CSMD1: variants seen among roughly 807,000 people sequenced by gnomAD.
CSMD1 encodes CUB and Sushi multiple domains 1.
A neutral mutation model predicts 417.5 loss-of-function variants in CSMD1; 213 were observed. The ratio of observed to expected loss-of-function variants is 0.51; its 90% confidence interval spans 0.46 to 0.57. The LOEUF (loss-of-function observed/expected upper bound fraction) is 0.57. CSMD1 is among the 20% of genes least tolerant of loss of function. The pLI, the probability that CSMD1 is intolerant of heterozygous loss-of-function variation, is 0.00. For missense variants in CSMD1, 6,923 were observed against 4,529.7 expected (o/e 1.53, Z -15.17); for synonymous variants, 2,862 against 1,736.8 (o/e 1.65, Z -16.11).
At chr8:4,176,209 G>C (rs192991202) in intron 3 of CSMD1, among the ~76,000 whole-genome samples, 2 of 152,074 alleles carry the variant, frequency 1.3e-5, no homozygotes, top group East Asian at 3.9e-4. Flanking sequence ...TGTTGGATGT[G>C]GCTCTGTAGG....
intron 8 of CSMD1, among the ~76,000 whole-genome samples, chr8:3,593,150 A>T (rs886603799): frequency 6.6e-6 from 1 of 152,152 alleles, no homozygotes; most frequent in African/African-American, 2.4e-5. Flanking sequence ...GATAAGTGTG[A>T]TGGTGGCGTG....
intron 40 of CSMD1, among the ~76,000 whole-genome samples, chr8:3,150,647 C>T (rs999074088): frequency 3.3e-5 from 5 of 152,096 alleles, no homozygotes; most frequent in African/African-American, 9.7e-5. Context: ...CTACTCTGCC[C>T]GAGGACATTC....
At chr8:3,919,706 C>G (rs1052910243) in intron 5 of CSMD1, among the ~76,000 whole-genome samples, 7 of 152,128 alleles carry the variant, frequency 4.6e-5, no homozygotes, top group African/African-American at 1.4e-4. Context: ...TGCTTTGAAT[C>G]TGTAGATGAC....
intron 26 of CSMD1, among the ~76,000 whole-genome samples, chr8:3,268,448 C>A (rs951648043): frequency 2.0e-5 from 3 of 151,800 alleles, no homozygotes; most frequent in Non-Finnish European, 4.4e-5. Context: ...GCCACCACGC[C>A]CAGCTGATTT....
chr8:4,551,869 G>A (rs1018524571), intron 2 of CSMD1, among the ~76,000 whole-genome samples: 3 of 87,066 alleles, frequency 3.4e-5, no homozygotes, highest in Non-Finnish European at 7.3e-5. Flanking sequence ...TTTTTTTTTT[G>A]TAGAGATGGG....
intron 7 of CSMD1, 138 bp downstream of exon 7, chr8:3,708,276 G>GA (rs1801292843): frequency 2.9e-6 from 2 of 682,108 alleles, no homozygotes; most frequent in Non-Finnish European, 5.1e-6. Flanking sequence ...CTTTCTCCCA[G>GA]AAAATACTTT....
At chr8:4,173,495 G>A (rs569077249) in intron 3 of CSMD1, among the ~76,000 whole-genome samples, 261 of 152,242 alleles carry the variant, frequency 1.7e-3, no homozygotes, top group African/African-American at 6.1e-3. Flanking sequence ...ACACAGCTAA[G>A]TGCTCTCGGT....
At chr8:3,349,889 ATTTAT>A (rs1278784618) in intron 21 of CSMD1, among the ~76,000 whole-genome samples, 10 of 95,998 alleles carry the variant, frequency 1.0e-4, no homozygotes, top group African/African-American at 3.4e-4. Context: ...CTATATATAT[ATTTAT>A]AATATATATT....
At chr8:4,018,451 T>C (rs902352671) in intron 4 of CSMD1, among the ~76,000 whole-genome samples, 1 of 152,134 alleles carries the variant, frequency 6.6e-6, no homozygotes, top group Non-Finnish European at 1.5e-5. Flanking sequence ...TGCAGGTCTG[T>C]CAACACAGCT....
intron 1 of CSMD1, among the ~76,000 whole-genome samples, chr8:4,901,406 C>G (rs897101663): frequency 2.6e-5 from 4 of 152,184 alleles, no homozygotes; most frequent in African/African-American, 9.7e-5. Flanking sequence ...TTGAAAGCAG[C>G]TCATTGCTTC....
At chr8:3,976,952 C>T (rs549215811) in intron 5 of CSMD1, among the ~76,000 whole-genome samples, 1 of 152,114 alleles carries the variant, frequency 6.6e-6, no homozygotes. Flanking sequence ...TGTCACAGGG[C>T]ATAGTACACA....
At chr8:4,605,612 C>A (rs1317440246) in intron 2 of CSMD1, among the ~76,000 whole-genome samples, 1 of 152,206 alleles carries the variant, frequency 6.6e-6, no homozygotes, top group Non-Finnish European at 1.5e-5. Context: ...TAAAATCTAA[C>A]CATGACCTTT....
At chr8:4,268,044 G>C (rs895292097) in intron 3 of CSMD1, among the ~76,000 whole-genome samples, 5 of 152,158 alleles carry the variant, frequency 3.3e-5, no homozygotes, top group East Asian at 1.9e-4. Context: ...TTCTTGAAAA[G>C]TGTGTTCACA....
chr8:4,773,073 C>T (rs1219609519), intron 1 of CSMD1, among the ~76,000 whole-genome samples: 1 of 152,098 alleles, frequency 6.6e-6, no homozygotes, highest in Admixed American at 6.5e-5. Context: ...AGAAGTATTT[C>T]AGATTTCAGA....
intron 3 of CSMD1, among the ~76,000 whole-genome samples, chr8:4,050,059 G>A (rs1239781861): frequency 2.6e-5 from 4 of 152,098 alleles, no homozygotes; most frequent in African/African-American, 9.7e-5. Flanking sequence ...TCCCTCCTGT[G>A]GAACTTGTCT....
chr8:3,037,814 GC>G (rs1406119276), intron 50 of CSMD1, among the ~76,000 whole-genome samples: 1 of 152,122 alleles, frequency 6.6e-6, no homozygotes, highest in Admixed American at 6.6e-5. Flanking sequence ...AGAGTGACTA[GC>G]TTTTTAGAAA....
chr8:3,755,943 G>A (rs1797631942), intron 5 of CSMD1, among the ~76,000 whole-genome samples: 1 of 152,006 alleles, frequency 6.6e-6, no homozygotes, highest in Non-Finnish European at 1.5e-5. Context: ...GTGAGATTAT[G>A]TTACAAATTC....
intron 1 of CSMD1, among the ~76,000 whole-genome samples, chr8:4,677,720 G>C (rs1805784457): frequency 6.6e-6 from 1 of 152,148 alleles, no homozygotes; most frequent in South Asian, 2.1e-4. Context: ...AAACCCATTA[G>C]AGTTCTTGGC....
intron 1 of CSMD1, among the ~76,000 whole-genome samples, chr8:4,697,489 A>T (rs1483567235): frequency 6.6e-6 from 1 of 152,180 alleles, no homozygotes; most frequent in Non-Finnish European, 1.5e-5. Flanking sequence ...GGTATAACAT[A>T]TTCCTTTGGC....
Sources: gnomAD v4.1 joint callset for allele counts (sites outside exome capture counted in the v4.1 genomes callset) on GRCh38, gnomAD v4.1.1 for gene constraint, MANE v1.5 for transcripts, NCBI Gene and HGNC (gene_info 2026-07-23, HGNC 2026-07-21) for gene names.